The following NBAS variants were observed in gnomAD, a reference collection of about 807,000 sequenced individuals.
NBAS encodes the protein NBAS subunit of NRZ tethering complex.
Under a neutral mutation model 302.5 loss-of-function variants are expected in NBAS, and 219 were observed. The observed-to-expected ratio is 0.72, with a 90% CI of 0.65 to 0.81. The LOEUF (loss-of-function observed/expected upper bound fraction) is 0.81. Among genes scored for constraint, NBAS ranks in the 30% least tolerant of loss-of-function variants. NBAS has a pLI of 0.00. For synonymous variants in NBAS, 1,118 were observed against 1,021.6 expected (o/e 1.09, Z -1.80); for missense variants, 2,932 against 2,841.6 (o/e 1.03, Z -0.72).
At chr2:15,224,038 G>A (rs916411046) in intron 47 of NBAS, among the ~76,000 whole-genome samples, 3 of 152,078 alleles carry the variant, frequency 2.0e-5, no homozygotes, top group Non-Finnish European at 2.9e-5. Context: ...CGAAAGATAG[G>A]AAGTCATGTG....
chr2:14,848,156 A>G, the NBAS span, among the ~76,000 whole-genome samples: 1 of 151,872 alleles, frequency 6.6e-6, no homozygotes, highest in Non-Finnish European at 1.5e-5. Flanking sequence ...CTGCATTTCC[A>G]TCTGAGGTAC....
At chr2:15,184,522 C>T (rs189636005) in intron 50 of NBAS, among the ~76,000 whole-genome samples, 9 of 152,042 alleles carry the variant, frequency 5.9e-5, no homozygotes, top group South Asian at 2.1e-4. Flanking sequence ...CCAGATCCCT[C>T]GCATGTGTAG....
At chr2:14,842,494 C>T in the NBAS span, among the ~76,000 whole-genome samples, 1 of 151,748 alleles carries the variant, frequency 6.6e-6, no homozygotes, top group Non-Finnish European at 1.5e-5. Context: ...GACATAACAA[C>T]AGAGACAACA....
the NBAS span, among the ~76,000 whole-genome samples, chr2:14,841,097 A>G: frequency 6.6e-6 from 1 of 151,918 alleles, no homozygotes; most frequent in East Asian, 1.9e-4. Context: ...TTTCTTTGTG[A>G]TCTAAGTTGT....
At chr2:15,430,076 T>C (rs536225785) in intron 21 of NBAS, among the ~76,000 whole-genome samples, 1 of 152,244 alleles carries the variant, frequency 6.6e-6, no homozygotes, top group African/African-American at 2.4e-5. Context: ...TTAAGCTACA[T>C]AAAATGTTTT....
chr2:15,107,847 T>A, the NBAS span, among the ~76,000 whole-genome samples: 1 of 152,154 alleles, frequency 6.6e-6, no homozygotes, highest in East Asian at 1.9e-4. Flanking sequence ...ATCAACCCCA[T>A]CCCCACTCCT....
intron 29 of NBAS, among the ~76,000 whole-genome samples, chr2:15,382,891 AG>A (rs1198600607): frequency 6.6e-6 from 1 of 152,220 alleles, no homozygotes; most frequent in Non-Finnish European, 1.5e-5. Context: ...AGATGAAGAC[AG>A]GACAGATTTG....
chr2:15,466,214 C>T (rs148521062), intron 19 of NBAS, among the ~76,000 whole-genome samples: 1 of 152,084 alleles, frequency 6.6e-6, no homozygotes, highest in Non-Finnish European at 1.5e-5. Flanking sequence ...CATGGTCAGA[C>T]GTTCTTGGGA....
At chr2:15,383,145 T>C in intron 29 of NBAS, 70 bp downstream of exon 29, 1 of 1,310,012 alleles carries the variant, frequency 7.6e-7, no homozygotes, top group Non-Finnish European at 1.1e-6. Context: ...GTCATCAATC[T>C]TGTATCCAAT....
intron 21 of NBAS, among the ~76,000 whole-genome samples, chr2:15,437,043 CA>C (rs1257292532): frequency 6.6e-6 from 1 of 152,150 alleles, no homozygotes; most frequent in Non-Finnish European, 1.5e-5. Context: ...ACATGTACAG[CA>C]GATTTTTTTT....
the NBAS span, among the ~76,000 whole-genome samples, chr2:14,790,501 A>G: frequency 6.6e-6 from 1 of 152,186 alleles, no homozygotes; most frequent in Non-Finnish European, 1.5e-5. Flanking sequence ...AAAAAGTCCA[A>G]GTAGGGGAGG....
chr2:15,436,611 C>G (rs1678028463), intron 21 of NBAS, among the ~76,000 whole-genome samples: 1 of 152,192 alleles, frequency 6.6e-6, no homozygotes, highest in Non-Finnish European at 1.5e-5. Flanking sequence ...GCACGATTCA[C>G]AGCATGCATA....
At chr2:15,263,755 C>T (rs773679615) in intron 44 of NBAS, among the ~76,000 whole-genome samples, 11 of 152,168 alleles carry the variant, frequency 7.2e-5, no homozygotes, top group Non-Finnish European at 1.3e-4. Context: ...ATATCTCCAG[C>T]TCCACTGACT....
chr2:15,189,111 T>A (rs1276634038), intron 49 of NBAS, among the ~76,000 whole-genome samples: 2 of 152,164 alleles, frequency 1.3e-5, no homozygotes, highest in African/African-American at 2.4e-5. Flanking sequence ...AAGTGCACTG[T>A]GAACTAAAGG....
the NBAS span, among the ~76,000 whole-genome samples, chr2:14,842,567 A>G: frequency 1.3e-5 from 2 of 152,048 alleles, no homozygotes; most frequent in Non-Finnish European, 2.9e-5. Flanking sequence ...TGGGAAACCT[A>G]TAATAAATGG....
chr2:15,457,869 G>C (rs889883867), intron 21 of NBAS, among the ~76,000 whole-genome samples: 1 of 152,216 alleles, frequency 6.6e-6, no homozygotes, highest in Non-Finnish European at 1.5e-5. Context: ...GAATAAAAGA[G>C]TTCTGTCCTT....
intron 21 of NBAS, among the ~76,000 whole-genome samples, chr2:15,433,323 G>A (rs6728340): frequency 6.6e-6 from 1 of 152,016 alleles, no homozygotes; most frequent in Non-Finnish European, 1.5e-5. Context: ...AGCTCATTTG[G>A]ATTAGGAGAA....
chr2:15,101,022 T>A, the NBAS span, among the ~76,000 whole-genome samples: 1 of 152,310 alleles, frequency 6.6e-6, no homozygotes, highest in Non-Finnish European at 1.5e-5. Context: ...CCTATTTCAA[T>A]AAAAGCCTTT....
intron 21 of NBAS, among the ~76,000 whole-genome samples, chr2:15,460,364 T>A (rs964977726): frequency 3.9e-5 from 6 of 152,162 alleles, no homozygotes; most frequent in Non-Finnish European, 7.3e-5. Context: ...AAAAGATAAA[T>A]CATGTAGTTA....
Sources: gnomAD v4.1 joint callset for allele counts (sites outside exome capture counted in the v4.1 genomes callset) on GRCh38, gnomAD v4.1.1 for gene constraint, MANE v1.5 for transcripts, NCBI Gene and HGNC (gene_info 2026-07-23, HGNC 2026-07-21) for gene names.